The following FSTL5 variants were observed in gnomAD, a reference collection of about 807,000 sequenced individuals.
FSTL5 encodes follistatin like 5.
Under a neutral mutation model 89.1 loss-of-function variants are expected in FSTL5, and 62 were observed. The observed-to-expected ratio is 0.70, with a 90% CI of 0.57 to 0.86. FSTL5 has a LOEUF of 0.86. FSTL5 is among the 40% of genes least tolerant of loss of function. The pLI is 0.00. For synonymous variants in FSTL5, 383 were observed against 346.2 expected (o/e 1.11, Z -1.18); for missense variants, 1,057 against 1,001.6 (o/e 1.06, Z -0.75).
At chr4:161,410,655 G>A (rs775454938) in intron 15 of FSTL5, among the ~76,000 whole-genome samples, 2 of 151,958 alleles carry the variant, frequency 1.3e-5, no homozygotes, top group Admixed American at 6.6e-5. Flanking sequence ...TAGACAGAAT[G>A]AAAAAAATTT....
intron 2 of FSTL5, among the ~76,000 whole-genome samples, chr4:162,079,102 T>A (rs565811797): frequency 5.3e-5 from 8 of 151,780 alleles, no homozygotes; most frequent in Non-Finnish European, 1.0e-4. Flanking sequence ...CTCTACTCTA[T>A]ACCTGTTGCA....
chr4:161,830,945 G>A (rs72691232), intron 4 of FSTL5, among the ~76,000 whole-genome samples: 2,031 of 152,048 alleles, frequency 0.013, 20 homozygotes, highest in Non-Finnish European at 0.021. Context: ...TAAATGATGT[G>A]TGGGTCCCTA....
intron 1 of FSTL5, among the ~76,000 whole-genome samples, chr4:162,121,612 A>C (rs564586522): frequency 6.6e-6 from 1 of 152,192 alleles, no homozygotes; most frequent in South Asian, 2.1e-4. Flanking sequence ...ACTGGTTAAA[A>C]TGATGTCCTA....
At chr4:161,547,608 T>C (rs556035800) in intron 8 of FSTL5, among the ~76,000 whole-genome samples, 6 of 152,050 alleles carry the variant, frequency 3.9e-5, no homozygotes, top group African/African-American at 1.4e-4. Flanking sequence ...TACCATAATA[T>C]ATTGAGTTAA....
chr4:161,530,665 G>A (rs758047882), intron 10 of FSTL5, among the ~76,000 whole-genome samples: 6 of 151,760 alleles, frequency 4.0e-5, no homozygotes, highest in South Asian at 2.1e-4. Flanking sequence ...TATTTAGACC[G>A]TAAAATTCTA....
At chr4:161,440,249 C>T (rs1732713487) in intron 15 of FSTL5, among the ~76,000 whole-genome samples, 1 of 152,006 alleles carries the variant, frequency 6.6e-6, no homozygotes, top group South Asian at 2.1e-4. Flanking sequence ...AATTTTTGTA[C>T]AGAACGTAAT....
At chr4:162,111,630 G>A (rs1410188009) in intron 1 of FSTL5, among the ~76,000 whole-genome samples, 1 of 151,874 alleles carries the variant, frequency 6.6e-6, no homozygotes, top group Non-Finnish European at 1.5e-5. Context: ...ATAAAATATG[G>A]AATGAGAAGA....
At chr4:162,026,393 C>T (rs1371207931) in intron 3 of FSTL5, among the ~76,000 whole-genome samples, 1 of 143,302 alleles carries the variant, frequency 7.0e-6, no homozygotes, top group Non-Finnish European at 1.5e-5. Flanking sequence ...CTGCAACCTA[C>T]TTCTCCTGGG....
chr4:161,834,892 G>C (rs1730981687), intron 4 of FSTL5, among the ~76,000 whole-genome samples: 1 of 151,528 alleles, frequency 6.6e-6, no homozygotes, highest in Admixed American at 6.6e-5. Flanking sequence ...GTAATTTATA[G>C]ATTCAATGCC....
chr4:162,152,402 C>A (rs1346960592), intron 1 of FSTL5, among the ~76,000 whole-genome samples: 5 of 152,158 alleles, frequency 3.3e-5, no homozygotes, highest in African/African-American at 1.2e-4. Context: ...AGCGCACTAA[C>A]TCTTGATATT....
chr4:161,824,792 C>A (rs1006219211), intron 4 of FSTL5, among the ~76,000 whole-genome samples: 20 of 152,106 alleles, frequency 1.3e-4, no homozygotes, highest in African/African-American at 4.6e-4. Flanking sequence ...AATTTTGTAT[C>A]ATAAAACTTC....
chr4:161,545,482 A>C (rs1446583586), intron 8 of FSTL5, among the ~76,000 whole-genome samples: 2 of 151,982 alleles, frequency 1.3e-5, no homozygotes, highest in East Asian at 3.9e-4. Flanking sequence ...AAATATAGTG[A>C]TTTATCTCTT....
chr4:161,469,221 G>T (rs1207382494), intron 13 of FSTL5, among the ~76,000 whole-genome samples: 1 of 152,000 alleles, frequency 6.6e-6, no homozygotes, highest in African/African-American at 2.4e-5. Context: ...AATGTCCTCA[G>T]ATTACACCCA....
At chr4:161,527,096 T>C (rs1390023297) in intron 10 of FSTL5, among the ~76,000 whole-genome samples, 1 of 152,208 alleles carries the variant, frequency 6.6e-6, no homozygotes, top group African/African-American at 2.4e-5. Flanking sequence ...CTTCCATTTG[T>C]TTGTGTCCTC....
At chr4:161,832,702 T>C (rs1029896434) in intron 4 of FSTL5, among the ~76,000 whole-genome samples, 2 of 152,170 alleles carry the variant, frequency 1.3e-5, no homozygotes, top group Non-Finnish European at 2.9e-5. Flanking sequence ...TGGTAGTTTG[T>C]ATTTCTGTGG....
intron 6 of FSTL5, among the ~76,000 whole-genome samples, chr4:161,726,387 C>T (rs1432453213): frequency 1.9e-5 from 2 of 105,228 alleles, no homozygotes; most frequent in Non-Finnish European, 4.9e-5. Context: ...CCACCACGCC[C>T]GGCTAATTTT....
Position 161,902,033 on chromosome 4 carries a change from C to A in FSTL5, c.409+18371G>T, listed in dbSNP as rs140218742. 7.4e-3 allele frequency among the ~76,000 whole-genome samples: 1,127 copies of A among 152,206 alleles called. 16 individuals carry two copies. The highest frequency in any genetic ancestry group is 0.025 in the African/African-American group (1,037 of 41,540). Reference sequence around the variant, plus strand: ...GGAACATTTTAGTTTTCTTCCATTTCTTTAGTTTCTTCACCTAGATATTAT... The same window carrying A: ...GGAACATTTTAGTTTTCTTCCATTTATTTAGTTTCTTCACCTAGATATTAT... On this transcript the variant is annotated intron_variant, in intron 4 of 15. Transcript: ENST00000306100.
At chr4:161,823,397 AG>A (rs1231409222) in intron 4 of FSTL5, among the ~76,000 whole-genome samples, 2 of 152,148 alleles carry the variant, frequency 1.3e-5, no homozygotes, top group Non-Finnish European at 2.9e-5. Flanking sequence ...AAAGTTTCAG[AG>A]GGGACTGAGA....
intron 4 of FSTL5, among the ~76,000 whole-genome samples, chr4:161,912,702 C>A (rs1579188342): frequency 6.6e-6 from 1 of 152,170 alleles, no homozygotes; most frequent in African/African-American, 2.4e-5. Context: ...GAAAAGATAC[C>A]AGAAAATGTG....
Sources: allele counts gnomAD v4.1 joint callset (sites outside exome capture counted in the v4.1 genomes callset), GRCh38; gene constraint gnomAD v4.1.1; transcripts MANE v1.5; gene names NCBI Gene and HGNC (gene_info 2026-07-23, HGNC 2026-07-21).